Variants in PROS1 observed in about 807,000 individuals in gnomAD.
PROS1 encodes the protein vitamin K-dependent protein S.
Under a neutral mutation model 75.9 loss-of-function variants are expected in PROS1, and 29 were observed. That is an observed-to-expected ratio of 0.38 (90% confidence interval 0.28 to 0.52). PROS1 has a LOEUF of 0.52. Ranked by LOEUF, PROS1 falls within the 20% of genes least tolerant of loss-of-function variation. PROS1 has a pLI of 0.83. For missense variants in PROS1, 680 were observed against 810.3 expected, an observed-to-expected ratio of 0.84 and a Z score of 1.95; for synonymous variants, 245 against 280.6, an observed-to-expected ratio of 0.87 and a Z score of 1.27.
intron 6 of PROS1, among the ~76,000 whole-genome samples, chr3:93,901,786 A>G (rs1053940364): frequency 1.3e-5 from 2 of 152,178 alleles, no homozygotes; most frequent in African/African-American, 4.8e-5. Context: ...ATCATTGTCA[A>G]TGTCTTGAGT....
intron 1 of PROS1, among the ~76,000 whole-genome samples, chr3:93,945,562 A>G (rs970487740): frequency 4.6e-5 from 7 of 152,218 alleles, no homozygotes; most frequent in Non-Finnish European, 8.8e-5. Flanking sequence ...CAAAAACCAC[A>G]TGATTATCTC....
At chr3:93,956,916 C>T (rs905142099) in intron 1 of PROS1, among the ~76,000 whole-genome samples, 2 of 152,054 alleles carry the variant, frequency 1.3e-5, no homozygotes, top group Non-Finnish European at 2.9e-5. Context: ...GGAAATTTAA[C>T]AATATGTATC....
intron 2 of PROS1, among the ~76,000 whole-genome samples, chr3:93,925,829 A>AC (rs1352951883): frequency 6.6e-6 from 1 of 151,170 alleles, no homozygotes; most frequent in Non-Finnish European, 1.5e-5. Context: ...TCTAAAAAAA[A>AC]AAAAAAAAAA....
intron 1 of PROS1, among the ~76,000 whole-genome samples, chr3:93,973,379 G>T (rs1385378352): frequency 6.6e-6 from 1 of 152,110 alleles, no homozygotes; most frequent in African/African-American, 2.4e-5. Context: ...GGGAACTTCA[G>T]CTTTGAAGGG....
At chr3:93,907,888 G>A (rs1172774183) in intron 4 of PROS1, among the ~76,000 whole-genome samples, 1 of 152,228 alleles carries the variant, frequency 6.6e-6, no homozygotes, top group Non-Finnish European at 1.5e-5. Flanking sequence ...GAGGCTAGGT[G>A]TGATGGCTCA....
At chr3:93,875,540 A>C (rs1708169653) in intron 14 of PROS1, among the ~76,000 whole-genome samples, 2 of 152,128 alleles carry the variant, frequency 1.3e-5, no homozygotes, top group South Asian at 4.1e-4. Context: ...CTTGTGGATA[A>C]GGTAGTAGGT....
intron 1 of PROS1, among the ~76,000 whole-genome samples, chr3:93,961,297 G>T (rs577543950): frequency 6.6e-6 from 1 of 152,180 alleles, no homozygotes; most frequent in South Asian, 2.1e-4. Flanking sequence ...CCTAGATTTT[G>T]AGCTTTGCAT....
chr3:93,920,247 TAATAA>T (rs1373190400), intron 3 of PROS1, among the ~76,000 whole-genome samples: 1 of 151,982 alleles, frequency 6.6e-6, no homozygotes, highest in African/African-American at 2.4e-5. Flanking sequence ...ATATAAAATA[TAATAA>T]AATAAAATAA....
In PROS1 at chr3:93,896,688, C is replaced by A. The variant is rs1307450778; in HGVS notation, c.853G>T (p.Val285Phe). ...AGGTTCAAGGGAAGGCACACTGAAA[C>A]AACCTGGAATAAAAGAAACCAAATA... ...LAQDQKSCEV[V>F]SVCLPLNLDT... The change falls in exon 9 of 15, where the codon GTT (valine) becomes TTT (phenylalanine). Residue 285 changes from valine to phenylalanine, a missense_variant. Coordinates refer to ENST00000394236, the MANE Select transcript of PROS1 (RefSeq NM_000313.4). The A allele has an allele frequency of 1.2e-6, 2 of 1,604,718 alleles. No homozygotes were observed. The highest frequency in any genetic ancestry group is 3.3e-5 in the Admixed American group (2 of 59,966).
intron 3 of PROS1, among the ~76,000 whole-genome samples, chr3:93,918,461 C>T (rs192236074): frequency 1.3e-5 from 2 of 152,206 alleles, no homozygotes; most frequent in African/African-American, 4.8e-5. Flanking sequence ...TCCACACTGC[C>T]TTTATGAGCT....
intron 1 of PROS1, among the ~76,000 whole-genome samples, chr3:93,942,569 T>C (rs1286191886): frequency 6.6e-6 from 1 of 152,178 alleles, no homozygotes; most frequent in Non-Finnish European, 1.5e-5. Flanking sequence ...TTTCTCTTTC[T>C]CACTGGTCAC....
intron 1 of PROS1, among the ~76,000 whole-genome samples, chr3:93,948,822 T>C (rs559744899): frequency 7.5e-4 from 114 of 152,344 alleles, no homozygotes; most frequent in African/African-American, 2.7e-3. Flanking sequence ...AAAAGATACC[T>C]TCCATGACTT....
intron 12 of PROS1, among the ~76,000 whole-genome samples, chr3:93,884,232 G>C (rs1162551310): frequency 6.6e-6 from 1 of 152,114 alleles, no homozygotes; most frequent in Non-Finnish European, 1.5e-5. Flanking sequence ...AAAATGACGA[G>C]ACTCAGATAT....
intron 2 of PROS1, among the ~76,000 whole-genome samples, chr3:93,926,679 A>G (rs1435814687): frequency 6.6e-6 from 1 of 152,266 alleles, no homozygotes; most frequent in African/African-American, 2.4e-5. Context: ...TTAATGAAGC[A>G]TTGTAATAAT....
chr3:93,879,574 G>T (rs1440145485), intron 12 of PROS1, among the ~76,000 whole-genome samples: 1 of 152,012 alleles, frequency 6.6e-6, no homozygotes, highest in Admixed American at 6.5e-5. Flanking sequence ...GATTATCATG[G>T]ATTTTCCCAG....
chr3:93,924,861 T>TG (rs1315623624), intron 2 of PROS1, among the ~76,000 whole-genome samples: 3 of 152,014 alleles, frequency 2.0e-5, no homozygotes. Flanking sequence ...TTTGTAGAGA[T>TG]GGGGTCTCAC....
intron 1 of PROS1, among the ~76,000 whole-genome samples, chr3:93,947,101 AT>A (rs1709414483): frequency 2.0e-5 from 3 of 152,212 alleles, no homozygotes; most frequent in Admixed American, 6.5e-5. Flanking sequence ...CGAAATGCAA[AT>A]CAAAACCACG....
In PROS1 at chr3:93,886,442, T is replaced by C; in HGVS notation, c.1217A>G (p.Asp406Gly). The change falls in exon 11 of 15, where the codon GAT (aspartate) becomes GGT (glycine). Residue 406 changes from aspartate (D) to glycine (G), a missense_variant. Physicochemically the swap from Asp to Gly is moderately conservative, Grantham distance 94 (BLOSUM62 -1). Transcript: ENST00000394236. Reference sequence around the variant, plus strand: ...AAAAAGGGGTCCAGGTTTATTTATATCCATCACAGCTTCTTTAGCTATTTT... The same window carrying C: ...AAAAAGGGGTCCAGGTTTATTTATACCCATCACAGCTTCTTTAGCTATTTT... ...SIKIAKEAVM[D>G]INKPGPLFKP... 1 of 1,613,100 alleles carries C rather than the reference T, an allele frequency of 6.2e-7. No homozygotes were observed. The highest frequency in any genetic ancestry group is 8.5e-7 in the Non-Finnish European group (1 of 1,179,118).
intron 3 of PROS1, among the ~76,000 whole-genome samples, chr3:93,920,629 C>T (rs1708932847): frequency 1.3e-5 from 2 of 152,052 alleles, no homozygotes; most frequent in Non-Finnish European, 2.9e-5. Flanking sequence ...AGCTTATGAT[C>T]TATACAATCC....
Sources: gnomAD v4.1 joint callset for allele counts (sites outside exome capture counted in the v4.1 genomes callset) on GRCh38, gnomAD v4.1.1 for gene constraint, MANE v1.5 for transcripts, NCBI Gene and HGNC (gene_info 2026-07-23, HGNC 2026-07-21) for gene names.